ARHGAP21: variants seen among roughly 807,000 people sequenced by gnomAD.
ARHGAP21 encodes Rho GTPase activating protein 21.
ARHGAP21 carries 38 observed loss-of-function variants against 164.6 expected under a neutral mutation model. The ratio of observed to expected loss-of-function variants is 0.23; its 90% confidence interval spans 0.18 to 0.30. ARHGAP21 has a LOEUF of 0.30. ARHGAP21 is among the 10% of genes least tolerant of loss of function. ARHGAP21 has a pLI of 1.00. For missense variants in ARHGAP21, 1,822 were observed against 2,370.7 expected, an observed-to-expected ratio of 0.77 and a Z score of 4.81; for synonymous variants, 766 against 857.9, an observed-to-expected ratio of 0.89 and a Z score of 1.87.
intron 12 of ARHGAP21, among the ~76,000 whole-genome samples, 163 bp from the exon 13 acceptor site, chr10:24,602,266 A>G (rs1456635864): frequency 6.6e-6 from 1 of 152,238 alleles, no homozygotes; most frequent in Non-Finnish European, 1.5e-5. Flanking sequence ...TCTCATTTAA[A>G]AAATGTGAAT....
chr10:24,609,631 A>G (rs946726800), intron 9 of ARHGAP21, among the ~76,000 whole-genome samples: 3 of 152,202 alleles, frequency 2.0e-5, no homozygotes. Flanking sequence ...CCAATTCTTG[A>G]TTCCCTTTGA....
chr10:24,676,148 A>AG (rs1491555555), intron 2 of ARHGAP21, among the ~76,000 whole-genome samples: 1 of 152,206 alleles, frequency 6.6e-6, no homozygotes, highest in Non-Finnish European at 1.5e-5. Context: ...ACTCCGTGTC[A>AG]GGGGGAAAAA....
At chr10:24,699,361 G>A (rs1027471612) in intron 2 of ARHGAP21, among the ~76,000 whole-genome samples, 8 of 151,242 alleles carry the variant, frequency 5.3e-5, no homozygotes, top group South Asian at 2.1e-4. Flanking sequence ...AGTCTCACTC[G>A]TCCCCCAGGC....
chr10:24,595,576 T>TTAATATATGA (rs2076546213), intron 19 of ARHGAP21, 141 bp downstream of exon 19: 1 of 780,100 alleles, frequency 1.3e-6, no homozygotes, highest in Non-Finnish European at 2.0e-6. Context: ...TTTTATGTTT[T>TTAATATATGA]TAATATATGA....
In ARHGAP21 at chr10:24,664,304, C is replaced by T. The variant is rs186452055; in HGVS notation, c.268+2681G>A. ...AGGTGCAGTGGCTCATGCCTGTAATCCCAGCATTTTGGGAGGCCGAGGCAG... is the reference window on the plus strand; with the variant it reads ...AGGTGCAGTGGCTCATGCCTGTAATTCCAGCATTTTGGGAGGCCGAGGCAG... On this transcript the variant is annotated intron_variant, in intron 4 of 25. Coordinates refer to ENST00000396432, the MANE Select transcript of ARHGAP21 (RefSeq NM_020824.4). Among the ~76,000 whole-genome samples, 322 of 152,188 alleles carry T rather than the reference C, an allele frequency of 2.1e-3. 1 individual carries two copies. Among genetic ancestry groups the T allele is most frequent in the Non-Finnish European group, 2.9e-3 (198 of 67,992 alleles).
chr10:24,636,557 T>C (rs1260230550), intron 4 of ARHGAP21, among the ~76,000 whole-genome samples: 1 of 152,206 alleles, frequency 6.6e-6, no homozygotes, highest in Non-Finnish European at 1.5e-5. Flanking sequence ...CAAAAAATGA[T>C]TGAGTGTCAA....
At chr10:24,610,808 T>C (rs1202111057) in intron 9 of ARHGAP21, among the ~76,000 whole-genome samples, 1 of 152,152 alleles carries the variant, frequency 6.6e-6, no homozygotes, top group Non-Finnish European at 1.5e-5. Context: ...AGCCCTCCTA[T>C]ATGAAGAGTT....
At chr10:24,613,330 T>G (rs2077347037) in intron 9 of ARHGAP21, among the ~76,000 whole-genome samples, 1 of 152,192 alleles carries the variant, frequency 6.6e-6, no homozygotes, top group Admixed American at 6.5e-5. Flanking sequence ...AAATAAAAAT[T>G]TTGAAGCAAT....
chr10:24,607,637 C>A, intron 10 of ARHGAP21, 36 bp from the exon 11 acceptor site: 1 of 1,611,200 alleles, frequency 6.2e-7, no homozygotes, highest in Non-Finnish European at 8.5e-7. Flanking sequence ...TAGACATTCA[C>A]AAGTGGTTCC....
intron 2 of ARHGAP21, among the ~76,000 whole-genome samples, chr10:24,688,772 C>A (rs968754205): frequency 4.6e-5 from 7 of 152,088 alleles, no homozygotes; most frequent in African/African-American, 1.2e-4. Flanking sequence ...AGTTAAGCTC[C>A]GTCCTAAAAG....
intron 2 of ARHGAP21, among the ~76,000 whole-genome samples, chr10:24,714,542 T>C (rs1845167235): frequency 6.6e-6 from 1 of 152,220 alleles, no homozygotes; most frequent in South Asian, 2.1e-4. Flanking sequence ...CTGCTGCTAC[T>C]GCCATCATTC....
chr10:24,638,238 G>A (rs1487831108), intron 4 of ARHGAP21, among the ~76,000 whole-genome samples: 1 of 149,944 alleles, frequency 6.7e-6, no homozygotes, highest in Non-Finnish European at 1.5e-5. Context: ...ATTCCTCCTA[G>A]AGAGAGAAAA....
Position 24,596,793 on chromosome 10 carries a change from T to C in ARHGAP21, c.3424A>G (p.Thr1142Ala), listed in dbSNP as rs762025027. 3 of 1,613,352 alleles carry C rather than the reference T, an allele frequency of 1.9e-6. No individual in the cohort carries two copies. The highest frequency in any genetic ancestry group is 2.2e-5 in the East Asian group (1 of 44,836). ...TCTAGTCGGACGCCGAAAGTTCCTG[T>C]AGCAGTTGGCTTTTTCTCAAATGTC... Reference protein sequence around the residue: ...RKTFEKKPTATGTFGVRLDDC... With the variant: ...RKTFEKKPTAAGTFGVRLDDC... The change falls in exon 17 of 26, where the codon ACA becomes GCA. Residue 1142 changes from threonine (T) to alanine (A), a missense_variant. By Grantham distance (58) the Thr-to-Ala change is moderately conservative (BLOSUM62 0). Coordinates refer to ENST00000396432, the MANE Select transcript of ARHGAP21 (RefSeq NM_020824.4).
At chr10:24,591,166 TCATATTGTAAGAATGTAG>T in intron 24 of ARHGAP21, 41 bp downstream of exon 24, 1 of 1,361,490 alleles carries the variant, frequency 7.3e-7, no homozygotes, top group South Asian at 1.3e-5. Context: ...ATTTGCTCTT[TCATATTGTAAGAATGTAG>T]CTTTCAGCCT....
At chr10:24,689,161 C>T (rs980496617) in intron 2 of ARHGAP21, among the ~76,000 whole-genome samples, 1 of 152,120 alleles carries the variant, frequency 6.6e-6, no homozygotes, top group African/African-American at 2.4e-5. Context: ...TAATTAGTGA[C>T]ACAGCTTGGA....
At chr10:24,596,154 G>A in intron 17 of ARHGAP21, 111 bp from the exon 18 acceptor site, 3 of 903,414 alleles carry the variant, frequency 3.3e-6, no homozygotes, top group Non-Finnish European at 4.9e-6. Context: ...TTGCTGTTAT[G>A]TAATATAAAG....
rs1248128679 is a variant in ARHGAP21 at position 24,628,970 on chromosome 10, A to T, written c.495+1026T>A. On this transcript the variant is annotated intron_variant, in intron 7 of 25. Coordinates refer to ENST00000396432, the MANE Select transcript of ARHGAP21 (RefSeq NM_020824.4). ...ACACACACTATATATATATATATAT[A>T]TATATATATATATTTTTTTTTTTTT... is the stretch of plus-strand genomic sequence containing the variant. 6 of 14,020 alleles carry T rather than the reference A, an allele frequency of 4.3e-4. 1 individual carries two copies. The highest frequency in any genetic ancestry group is 6.0e-4 in the Non-Finnish European group (5 of 8,330). 0.9% of individuals were successfully genotyped at this position (14,020 alleles called of 1,614,324 possible).
intron 2 of ARHGAP21, among the ~76,000 whole-genome samples, chr10:24,710,643 T>C (rs1213327278): frequency 1.3e-5 from 2 of 152,176 alleles, no homozygotes; most frequent in Non-Finnish European, 2.9e-5. Context: ...TAAATGTTTG[T>C]TGAATTTGTT....
At chr10:24,716,148 G>A (rs1334394995) in intron 2 of ARHGAP21, among the ~76,000 whole-genome samples, 2 of 152,186 alleles carry the variant, frequency 1.3e-5, no homozygotes, top group Non-Finnish European at 2.9e-5. Flanking sequence ...CACTCTTCTA[G>A]GCACAAGAAA....
Sources: gnomAD v4.1 joint callset for allele counts (sites outside exome capture counted in the v4.1 genomes callset) on GRCh38, gnomAD v4.1.1 for gene constraint, MANE v1.5 for transcripts, NCBI Gene and HGNC (gene_info 2026-07-23, HGNC 2026-07-21) for gene names.